Variants in PTPRD observed in about 807,000 individuals in gnomAD.
PTPRD encodes protein tyrosine phosphatase receptor type D.
Under a neutral mutation model 214.5 loss-of-function variants are expected in PTPRD, and 34 were observed. The observed-to-expected ratio is 0.16, with a 90% confidence interval of 0.12 to 0.21. The LOEUF is 0.21. Ranked by LOEUF, PTPRD falls within the 10% of genes least tolerant of loss-of-function variation. The probability of loss-of-function intolerance (pLI) is 1.00; values close to 1 mark genes in which losing one functional copy is unlikely to be tolerated. For synonymous variants in PTPRD, 1,128 were observed against 845.7 expected, an observed-to-expected ratio of 1.33 and a Z score of -5.79; for missense variants, 2,545 against 2,398.7, an observed-to-expected ratio of 1.06 and a Z score of -1.27.
At chr9:9,573,527 T>C (rs1450956185) in intron 8 of PTPRD, among the ~76,000 whole-genome samples, 1 of 151,724 alleles carries the variant, frequency 6.6e-6, no homozygotes, top group Non-Finnish European at 1.5e-5. Flanking sequence ...GTATATAAGA[T>C]AATTAAAACA....
intron 43 of PTPRD, among the ~76,000 whole-genome samples, chr9:8,336,099 A>G (rs559241935): frequency 6.6e-6 from 1 of 150,538 alleles, no homozygotes; most frequent in Admixed American, 6.6e-5. Context: ...ACAGAATGGG[A>G]AAAAACTACT....
intron 8 of PTPRD, among the ~76,000 whole-genome samples, chr9:9,452,370 C>T (rs929568472): frequency 6.6e-6 from 1 of 151,458 alleles, no homozygotes; most frequent in Non-Finnish European, 1.5e-5. Flanking sequence ...TTTCTCACTA[C>T]AATAAATTTA....
chr9:10,189,657 G>A (rs193133423), intron 3 of PTPRD, among the ~76,000 whole-genome samples: 11 of 151,844 alleles, frequency 7.2e-5, no homozygotes, highest in Admixed American at 4.6e-4. Flanking sequence ...ACAGAAAGCA[G>A]TAATGAAGAA....
chr9:9,899,899 A>G (rs1292075687), intron 5 of PTPRD, among the ~76,000 whole-genome samples: 1 of 152,174 alleles, frequency 6.6e-6, no homozygotes. Flanking sequence ...GACAACATAG[A>G]AAAACCTAGA....
intron 11 of PTPRD, among the ~76,000 whole-genome samples, chr9:8,780,304 C>T (rs952412696): frequency 6.6e-6 from 1 of 152,122 alleles, no homozygotes; most frequent in Non-Finnish European, 1.5e-5. Context: ...ACCAATCCAT[C>T]CCTTTTCCCC....
chr9:10,203,613 G>C (rs2099445252), intron 3 of PTPRD, among the ~76,000 whole-genome samples: 1 of 152,078 alleles, frequency 6.6e-6, no homozygotes, highest in Admixed American at 6.6e-5. Flanking sequence ...AAGCTCTATG[G>C]ATCCAGGATT....
chr9:9,556,419 A>G (rs1009754833), intron 8 of PTPRD, among the ~76,000 whole-genome samples: 9 of 152,130 alleles, frequency 5.9e-5, no homozygotes, highest in Admixed American at 3.9e-4. Context: ...AAATTTACAT[A>G]TAAGTGGACC....
intron 3 of PTPRD, among the ~76,000 whole-genome samples, chr9:10,046,186 T>C (rs373022848): frequency 2.6e-5 from 4 of 151,958 alleles, no homozygotes; most frequent in African/African-American, 7.2e-5. Flanking sequence ...TTAGTGACAA[T>C]AGATAAACAC....
In PTPRD at chr9:8,501,038, T is replaced by A. The variant is rs2097393545; in HGVS notation, c.1844A>T (p.Asp615Val). ...GGAACTTGGGCTGGTGCAACTAATG[T>A]CTTGAGGAGGAGCTGACGGCTCTTA... Reference protein sequence around the residue: ...MQSKPSAPPQDISCTSPSSTS... With the variant: ...MQSKPSAPPQVISCTSPSSTS... The change falls in exon 24 of 46, where the codon GAC (aspartate) becomes GTC (valine). Residue 615 changes from aspartate to valine, a missense_variant. Physicochemically the swap from Asp to Val is radical, Grantham distance 152. Transcript: ENST00000381196. 6.2e-7 allele frequency: 1 copy of A among 1,613,166 alleles called. No individual in the cohort carries two copies. Among genetic ancestry groups the A allele is most frequent in the South Asian group, 1.1e-5 (1 of 91,036 alleles).
At chr9:8,331,545 C>T (rs879075594) in intron 44 of PTPRD, 37 bp downstream of exon 44, 3 of 966,850 alleles carry the variant, frequency 3.1e-6, no homozygotes, top group Non-Finnish European at 4.1e-6. Flanking sequence ...AGAAACACCA[C>T]CACTTATCAC....
At chr9:10,353,413 T>G (rs1160527260) in intron 2 of PTPRD, among the ~76,000 whole-genome samples, 1 of 151,994 alleles carries the variant, frequency 6.6e-6, no homozygotes, top group African/African-American at 2.4e-5. Context: ...CACTTTTCAG[T>G]CATCAATATT....
chr9:8,710,480 G>C (rs2098309130), intron 12 of PTPRD, among the ~76,000 whole-genome samples: 1 of 152,088 alleles, frequency 6.6e-6, no homozygotes, highest in African/African-American at 2.4e-5. Context: ...GCAAGGAATG[G>C]TGGCAGGCGC....
At chr9:9,285,860 A>G (rs1337870172) in intron 9 of PTPRD, among the ~76,000 whole-genome samples, 2 of 151,796 alleles carry the variant, frequency 1.3e-5, no homozygotes, top group South Asian at 2.1e-4. Flanking sequence ...TGAAAGCTCT[A>G]TATCTATCTA....
At chr9:9,882,872 G>T (rs1017619371) in intron 5 of PTPRD, among the ~76,000 whole-genome samples, 18 of 152,126 alleles carry the variant, frequency 1.2e-4, no homozygotes, top group Non-Finnish European at 2.4e-4. Context: ...CCTGTGAATG[G>T]CTTAGTGCCC....
At chr9:10,544,027 C>A (rs140539087) in intron 2 of PTPRD, among the ~76,000 whole-genome samples, 170 of 152,182 alleles carry the variant, frequency 1.1e-3, no homozygotes, top group African/African-American at 3.8e-3. Flanking sequence ...ATTTTTCACA[C>A]CACTCCTTTA....
At position 8,517,949 on chromosome 9, in the gene PTPRD, T is replaced by C. The variant is rs760129550; in HGVS notation, c.1442A>G (p.Asn481Ser). The change falls in exon 21 of 46, where the codon AAC (asparagine) becomes AGC (serine). Residue 481 changes from asparagine to serine, a missense_variant. Physicochemically the swap from Asn to Ser is conservative, Grantham distance 46 (BLOSUM62 1). Transcript: ENST00000381196. ...AGAATATGTTTTCTGGGGCACTAAG[T>C]TGCCAATAGTAGTGATTTGGCTGTC... ...VADSQITTIG[N>S]LVPQKTYSVK... The C allele has an allele frequency of 3.2e-5, 52 of 1,614,076 alleles. 1 individual carries two copies. The highest frequency in any genetic ancestry group is 1.2e-4 in the South Asian group (11 of 91,084).
intron 2 of PTPRD, among the ~76,000 whole-genome samples, chr9:10,424,084 TG>T (rs1013369319): frequency 2.0e-5 from 3 of 152,014 alleles, no homozygotes; most frequent in Admixed American, 6.6e-5. Flanking sequence ...TAAAACATTT[TG>T]TTTGAGTTAA....
intron 10 of PTPRD, among the ~76,000 whole-genome samples, chr9:9,018,950 C>T (rs2099548061): frequency 6.6e-6 from 1 of 152,026 alleles, no homozygotes; most frequent in Non-Finnish European, 1.5e-5. Context: ...AGAAGCAAAA[C>T]ATGTTATGAT....
At chr9:10,128,645 T>C (rs150409) in intron 3 of PTPRD, among the ~76,000 whole-genome samples, 62,781 of 151,996 alleles carry the variant, frequency 0.41, 14,306 homozygotes, top group Non-Finnish European at 0.52. Flanking sequence ...GGCAAACTAA[T>C]AGAATCCTTA....
Sources: gnomAD v4.1 joint callset for allele counts (sites outside exome capture counted in the v4.1 genomes callset) on GRCh38, gnomAD v4.1.1 for gene constraint, MANE v1.5 for transcripts, NCBI Gene and HGNC (gene_info 2026-07-23, HGNC 2026-07-21) for gene names.